INTU: variants seen among roughly 807,000 people sequenced by gnomAD.
The protein encoded by INTU is protein inturned.
A neutral mutation model predicts 100.5 loss-of-function variants in INTU; 68 were observed. The ratio of observed to expected loss-of-function variants is 0.68; its 90% CI spans 0.56 to 0.83. The LOEUF (loss-of-function observed/expected upper bound fraction) is 0.83. Ranked by LOEUF, INTU falls within the 40% of genes least tolerant of loss-of-function variation. INTU has a pLI of 0.00. For synonymous variants in INTU, 357 were observed against 395.7 expected (o/e 0.90, Z 1.16); for missense variants, 1,071 against 1,114.7 (o/e 0.96, Z 0.56).
rs1366410562 is a variant in INTU at position 127,720,612 on chromosome 4, A to G, written c.*4176A>G. On this transcript the variant is annotated 3_prime_UTR_variant, in exon 16 of 16. Transcript: ENST00000335251. ...TCCCACTATTATTGTGTGGAAATCT[A>G]AGTCTCTTTTTGGGTCTCTAAGAAC... 6.6e-6 allele frequency: 1 copy of G among 152,114 alleles called. No homozygotes were observed. The highest frequency in any genetic ancestry group is 1.5e-5 in the Non-Finnish European group (1 of 68,004). The allele number at this position is 152,114 out of a possible 1,614,324, so 9.4% of individuals were successfully genotyped here. A position where few individuals can be genotyped will look rare whatever the true frequency, so the allele number is the denominator to read the frequency against.
At chr4:127,677,259 G>A (rs536909803) in intron 6 of INTU, among the ~76,000 whole-genome samples, 9 of 152,162 alleles carry the variant, frequency 5.9e-5, no homozygotes, top group African/African-American at 9.7e-5. Context: ...GGTTCTCCCA[G>A]CATGCAGCTG....
chr4:127,652,369 G>A lies in INTU; in HGVS notation c.683-4267G>A, dbSNP rs561201188. On this transcript the variant is annotated intron_variant, in intron 2 of 15. Transcript: ENST00000335251. ...TTGGCTGTGGGTTTTGTCATAGATA[G>A]CTCTTATTATTTTGAAATACGTCCC... Among the ~76,000 whole-genome samples, 398 of 150,694 alleles carry A rather than the reference G, an allele frequency of 2.6e-3. 1 individual carries two copies. Among genetic ancestry groups the A allele is most frequent in the Non-Finnish European group, 4.2e-3 (284 of 67,914 alleles).
intron 8 of INTU, among the ~76,000 whole-genome samples, chr4:127,693,401 C>G (rs1413135077): frequency 6.6e-6 from 1 of 152,064 alleles, no homozygotes. Context: ...AGCAGAGCTA[C>G]TGATTTGTGT....
chr4:127,635,562 A>G (rs1040665942), intron 1 of INTU, among the ~76,000 whole-genome samples: 3 of 152,240 alleles, frequency 2.0e-5, no homozygotes, highest in African/African-American at 7.2e-5. Flanking sequence ...TTTAAATGAG[A>G]TATTAGCTGT....
chr4:127,647,224 AGTG>A (rs1315172531), intron 2 of INTU, among the ~76,000 whole-genome samples: 1 of 152,212 alleles, frequency 6.6e-6, no homozygotes, highest in African/African-American at 2.4e-5. Context: ...CCACAAACTT[AGTG>A]GTTTAAAACA....
At chr4:127,693,501 A>G (rs762172919) in intron 8 of INTU, among the ~76,000 whole-genome samples, 2 of 152,116 alleles carry the variant, frequency 1.3e-5, no homozygotes, top group Non-Finnish European at 2.9e-5. Flanking sequence ...CTAGGTATAT[A>G]GTCATATCAT....
rs914229630 is a variant in INTU, at chr4:127,656,657, A to G, written c.704A>G (p.Asn235Ser). Residue 235 changes from asparagine (N) to serine (S), a missense_variant, in exon 3 of 16, where the codon AAT (asparagine) becomes AGT (serine). Asn to Ser is a conservative substitution (Grantham distance 46). Transcript: ENST00000335251. ...TCAGGTGATGTCCTTGTTGCTGTGA[A>G]TGATGTCGATGTTACTACTGAAAAC... ...VLIGDVLVAV[N>S]DVDVTTENIE... 9.9e-6 allele frequency: 16 copies of G among 1,610,244 alleles called. No homozygotes were observed. In the African/African-American group the frequency reaches 1.9e-4, roughly 19 times the overall value.
intron 3 of INTU, among the ~76,000 whole-genome samples, chr4:127,658,193 T>C (rs754700798): frequency 4.6e-5 from 7 of 152,246 alleles, no homozygotes; most frequent in Non-Finnish European, 7.3e-5. Context: ...TGTATGCACA[T>C]GTATGTGTGC....
At chr4:127,662,458 CAG>C (rs1157530094) in intron 3 of INTU, among the ~76,000 whole-genome samples, 1 of 152,038 alleles carries the variant, frequency 6.6e-6, no homozygotes, top group Non-Finnish European at 1.5e-5. Context: ...CGGTGAGAGA[CAG>C]AGTTTCATTC....
intron 4 of INTU, among the ~76,000 whole-genome samples, 175 bp downstream of exon 4, chr4:127,663,759 T>C (rs1661339428): frequency 6.6e-6 from 1 of 152,160 alleles, no homozygotes; most frequent in African/African-American, 2.4e-5. Flanking sequence ...ATTATAGATA[T>C]GAATATTTCA....
In INTU at chr4:127,644,066, G is replaced by A. The variant is rs764128008; in HGVS notation, c.682+10G>A. ...GGTCAGGTACTCATTGGTAAGTGTT[G>A]CTGGTACACATCCATCCCTGTTTAC... On this transcript the variant is annotated intron_variant, in intron 2 of 15. Transcript: ENST00000335251. 1.2e-6 allele frequency: 2 copies of A among 1,605,348 alleles called. No homozygotes were observed. Among genetic ancestry groups the A allele is most frequent in the Non-Finnish European group, 1.7e-6 (2 of 1,174,470 alleles).
rs1366572196 is a variant in INTU, at chr4:127,663,561, G to A, written c.949G>A (p.Asp317Asn). Residue 317 changes from aspartate (D) to asparagine (N), a missense_variant, in exon 4 of 16, where the codon GAC becomes AAC. By Grantham distance (23) the Asp-to-Asn change is conservative. Transcript: ENST00000335251. ...HIIMYLTLQLDSETSKEEQEI... is the reference protein window; with the variant it reads ...HIIMYLTLQLNSETSKEEQEI... ...CATTATGTATCTCACACTACAGCTC[G>A]ACTCAGAAACCTCAAAGGAAGAGGT... The A allele has an allele frequency of 5.0e-6, 8 of 1,612,990 alleles. No individual in the cohort carries two copies. Among genetic ancestry groups the A allele is most frequent in the South Asian group, 2.2e-5 (2 of 90,998 alleles).
chr4:127,643,532 C>G lies in INTU; in HGVS notation c.158C>G (p.Pro53Arg), dbSNP rs374037957. 2.5e-6 allele frequency: 4 copies of G among 1,590,958 alleles called. No homozygotes were observed. In the African/African-American group the frequency reaches 5.5e-5, roughly 22 times the overall value. Residue 53 changes from proline to arginine, a missense_variant, in exon 2 of 16, where the codon CCT (proline) becomes CGT (arginine). Pro to Arg is a moderately radical substitution (Grantham distance 103). Transcript: ENST00000335251. ...TCTCTCTTTCATAGTGATCTTGAGC[C>G]TGAATGGCTGGACAGTGTGCAGAAA... is the stretch of plus-strand genomic sequence containing the variant. ...SASSDYDDLE[P>R]EWLDSVQKNG...
chr4:127,648,549 G>GA (rs1302858327), intron 2 of INTU, among the ~76,000 whole-genome samples: 1 of 152,058 alleles, frequency 6.6e-6, no homozygotes, highest in African/African-American at 2.4e-5. Context: ...AGGATTTGGA[G>GA]AAAAAAGTCA....
chr4:127,703,463 T>C (rs1325330081), intron 9 of INTU, among the ~76,000 whole-genome samples: 1 of 152,188 alleles, frequency 6.6e-6, no homozygotes, highest in African/African-American at 2.4e-5. Context: ...TCCATATACA[T>C]ACATTCCCAC....
rs139409856 is a variant in INTU at position 127,725,174 on chromosome 4, GCAGGTGC to G, written c.*8740_*8746del. On this transcript the variant is annotated 3_prime_UTR_variant, in exon 16 of 16. Coordinates refer to ENST00000335251, the MANE Select transcript of INTU (RefSeq NM_015693.4). ...AAAAAAAAATTAGCCGGGCATGGTGGCAGGTGCCTGAAGTCCCAGCTACTTGGGAGGC... is the reference window on the plus strand; with the variant it reads ...AAAAAAAAATTAGCCGGGCATGGTGGCTGAAGTCCCAGCTACTTGGGAGGC... 0.041 allele frequency: 6,284 copies of G among 152,406 alleles called. 448 individuals are homozygous for G. The highest frequency in any genetic ancestry group is 0.15 in the African/African-American group (5,970 of 41,052). 9.4% of individuals were successfully genotyped at this position (152,406 alleles called of 1,614,324 possible).
chr4:127,705,071 G>A (rs1578631223), intron 10 of INTU, among the ~76,000 whole-genome samples: 1 of 151,242 alleles, frequency 6.6e-6, no homozygotes, highest in East Asian at 1.9e-4. Context: ...CAGCCTGGGT[G>A]ACAGAGACTC....
chr4:127,677,747 C>T (rs1277719714), intron 6 of INTU, among the ~76,000 whole-genome samples: 4 of 152,228 alleles, frequency 2.6e-5, no homozygotes, highest in Admixed American at 1.3e-4. Flanking sequence ...CACAGCTGGA[C>T]GGAGAATGAC....
intron 8 of INTU, among the ~76,000 whole-genome samples, chr4:127,698,453 ACT>A (rs971610686): frequency 2.7e-5 from 4 of 148,658 alleles, no homozygotes; most frequent in African/African-American, 1.0e-4. Flanking sequence ...ACAGAGGGAC[ACT>A]CTGTCTCAAA....
Sources: allele counts gnomAD v4.1 joint callset (sites outside exome capture counted in the v4.1 genomes callset), GRCh38; gene constraint gnomAD v4.1.1; transcripts MANE v1.5; gene names NCBI Gene and HGNC (gene_info 2026-07-23, HGNC 2026-07-21).